Variants in MOB3B observed in about 807,000 individuals in gnomAD.
MOB3B encodes MOB kinase activator-like 2B.
MOB3B carries 7 observed loss-of-function variants against 18.7 expected under a neutral mutation model. The observed-to-expected ratio is 0.37, with a 90% CI of 0.21 to 0.70. The LOEUF (loss-of-function observed/expected upper bound fraction) is 0.70, where lower values mean the gene tolerates loss of function less well. Ranked by LOEUF, MOB3B falls within the 30% of genes least tolerant of loss-of-function variation. MOB3B has a pLI of 0.52. For missense variants in MOB3B, 253 were observed against 281.3 expected, an observed-to-expected ratio of 0.90 and a Z score of 0.72; for synonymous variants, 111 against 99.9, an observed-to-expected ratio of 1.11 and a Z score of -0.66.
At chr9:27,340,910 G>A (rs1179540306) in intron 3 of MOB3B, among the ~76,000 whole-genome samples, 1 of 152,232 alleles carries the variant, frequency 6.6e-6, no homozygotes, top group East Asian at 1.9e-4. Flanking sequence ...CAGCGCAGCT[G>A]GATTGGTTTC....
intron 2 of MOB3B, among the ~76,000 whole-genome samples, chr9:27,395,648 A>G (rs754814208): frequency 5.1e-4 from 78 of 152,204 alleles, no homozygotes; most frequent in Admixed American, 1.0e-3. Context: ...AGTCAATAAC[A>G]GGAGATACCA....
At chr9:27,335,362 C>A (rs187198715) in intron 3 of MOB3B, among the ~76,000 whole-genome samples, 1 of 152,150 alleles carries the variant, frequency 6.6e-6, no homozygotes, top group African/African-American at 2.4e-5. Flanking sequence ...TTCCCTAATG[C>A]GGCAAAACTA....
At chr9:27,480,435 G>C (rs1489874562) in intron 1 of MOB3B, among the ~76,000 whole-genome samples, 1 of 152,174 alleles carries the variant, frequency 6.6e-6, no homozygotes, top group Non-Finnish European at 1.5e-5. Context: ...GAGTAGCTGG[G>C]ACTACAGGCA....
intron 2 of MOB3B, among the ~76,000 whole-genome samples, chr9:27,454,660 G>T (rs1488038323): frequency 9.2e-5 from 14 of 152,170 alleles, no homozygotes; most frequent in Admixed American, 9.2e-4. Context: ...AGAGGGAGGA[G>T]AATTTCAGGA....
intron 1 of MOB3B, among the ~76,000 whole-genome samples, chr9:27,493,925 A>G (rs149942762): frequency 3.3e-5 from 5 of 152,268 alleles, no homozygotes; most frequent in African/African-American, 7.2e-5. Flanking sequence ...GAACAGAGCC[A>G]TTTTTCTCTT....
intron 2 of MOB3B, among the ~76,000 whole-genome samples, chr9:27,420,788 T>C (rs1822237978): frequency 6.8e-6 from 1 of 147,750 alleles, no homozygotes; most frequent in Non-Finnish European, 1.5e-5. Context: ...TTCAGGGACC[T>C]GGGGGGAAGA....
intron 2 of MOB3B, among the ~76,000 whole-genome samples, chr9:27,390,801 C>T (rs903567123): frequency 4.6e-5 from 7 of 152,078 alleles, no homozygotes; most frequent in African/African-American, 1.4e-4. Context: ...GGAGGTAGAG[C>T]CTTTGAGTGG....
At chr9:27,414,978 C>T (rs1474966120) in intron 2 of MOB3B, among the ~76,000 whole-genome samples, 2 of 152,180 alleles carry the variant, frequency 1.3e-5, no homozygotes. Context: ...TCTCCTGCCT[C>T]AGCCTCCCGA....
chr9:27,392,113 T>C (rs909158426), intron 2 of MOB3B, among the ~76,000 whole-genome samples: 3 of 152,196 alleles, frequency 2.0e-5, no homozygotes, highest in African/African-American at 7.2e-5. Context: ...AATCCAAATT[T>C]GGGTCTCACC....
chr9:27,403,516 A>ATTTTTCT (rs1821916743), intron 2 of MOB3B, among the ~76,000 whole-genome samples: 1 of 79,626 alleles, frequency 1.3e-5, no homozygotes, highest in Non-Finnish European at 2.4e-5. Context: ...CTCTTTACTA[A>ATTTTTCT]TTTTTTTTTT....
chr9:27,470,889 C>G (rs1010210889), intron 1 of MOB3B, among the ~76,000 whole-genome samples: 1 of 152,234 alleles, frequency 6.6e-6, no homozygotes, highest in African/African-American at 2.4e-5. Context: ...ACTGCCTCCC[C>G]CTGGCCTTTT....
chr9:27,433,443 T>C (rs1822446531), intron 2 of MOB3B, among the ~76,000 whole-genome samples: 2 of 152,330 alleles, frequency 1.3e-5, no homozygotes, highest in African/African-American at 2.4e-5. Flanking sequence ...AGATGTTTAG[T>C]AGATTTGAGG....
At chr9:27,375,433 T>TAA (rs1221139111) in intron 2 of MOB3B, among the ~76,000 whole-genome samples, 2 of 152,230 alleles carry the variant, frequency 1.3e-5, no homozygotes, top group Non-Finnish European at 2.9e-5. Flanking sequence ...TGTTCTTTCT[T>TAA]TATTAACATT....
chr9:27,524,612 A>G (rs756025302), intron 1 of MOB3B: 25 of 1,614,040 alleles, frequency 1.5e-5, no homozygotes, highest in Non-Finnish European at 2.0e-5. Flanking sequence ...AAATGTCCCT[A>G]CAGGCCTTCA....
intron 1 of MOB3B, among the ~76,000 whole-genome samples, chr9:27,470,989 A>C (rs1217639874): frequency 6.6e-6 from 1 of 152,052 alleles, no homozygotes; most frequent in Non-Finnish European, 1.5e-5. Context: ...TGAAGGAAAA[A>C]ATACAACCCC....
At position 27,359,379 on chromosome 9, in the gene MOB3B, G is replaced by GTGT. The variant is rs202178671; in HGVS notation, c.419-144_419-143insACA. 1.5e-4 allele frequency: 27 copies of GTGT among 183,882 alleles called. 1 individual carries two copies. The highest frequency in any genetic ancestry group is 1.5e-3 in the Middle Eastern group (1 of 664). The allele number at this position is 183,882 out of a possible 1,614,324, so 11.4% of individuals were successfully genotyped here. On this transcript the variant is annotated intron_variant, in intron 2 of 3. Coordinates refer to ENST00000262244, the MANE Select transcript of MOB3B (RefSeq NM_024761.5). ...GGAGTCATAGGGAGTGTGTGTGTGT[G>GTGT]GGGGGGGGGGGTTGGTAGCAAACTA...
intron 3 of MOB3B, among the ~76,000 whole-genome samples, chr9:27,340,276 A>T (rs1034131156): frequency 6.6e-6 from 1 of 152,224 alleles, no homozygotes; most frequent in Non-Finnish European, 1.5e-5. Context: ...AAACACACAC[A>T]CTCGCCACCC....
chr9:27,353,595 AG>A (rs1821139854), intron 3 of MOB3B, among the ~76,000 whole-genome samples: 1 of 152,134 alleles, frequency 6.6e-6, no homozygotes, highest in African/African-American at 2.4e-5. Flanking sequence ...AGCCTTGGAG[AG>A]AGAATGAGAA....
intron 1 of MOB3B, among the ~76,000 whole-genome samples, chr9:27,459,013 C>G (rs962622994): frequency 9.2e-6 from 1 of 108,328 alleles, no homozygotes; most frequent in Non-Finnish European, 2.1e-5. Flanking sequence ...TCAGGTAGGC[C>G]CCCCCCCATG....
Sources: gnomAD v4.1 joint callset for allele counts (sites outside exome capture counted in the v4.1 genomes callset) on GRCh38, gnomAD v4.1.1 for gene constraint, MANE v1.5 for transcripts, NCBI Gene and HGNC (gene_info 2026-07-23, HGNC 2026-07-21) for gene names.